The following ZNF202 variants were observed in gnomAD, a reference collection of about 807,000 sequenced individuals.
ZNF202 encodes zinc finger protein 202, also known as zinc finger protein with KRAB and SCAN domains 10.
In ZNF202, 22 loss-of-function variants were observed where a neutral mutation model predicts 54.5. That is an observed-to-expected ratio of 0.40 (90% CI 0.29 to 0.58). The LOEUF is 0.58. Among genes scored for constraint, ZNF202 ranks in the 20% least tolerant of loss-of-function variants. The probability of loss-of-function intolerance (pLI) is 0.39; values close to 1 mark genes in which losing one functional copy is unlikely to be tolerated. For missense variants in ZNF202, 644 were observed against 805.5 expected (o/e 0.80, Z 2.43); for synonymous variants, 294 against 301.4 (o/e 0.98, Z 0.26).
chr11:123,725,948 C>T lies in ZNF202; in HGVS notation c.*49G>A, dbSNP rs975663706. On this transcript the variant is annotated 3_prime_UTR_variant, in exon 9 of 9. Transcript: ENST00000530393. Reference sequence around the variant, plus strand: ...ACAAGAGGGCTTTTCCTCTTCCTCACCTCCCTTAGGTGAGGGCTGAAAGCA... The same window carrying T: ...ACAAGAGGGCTTTTCCTCTTCCTCATCTCCCTTAGGTGAGGGCTGAAAGCA... The T allele has an allele frequency of 3.9e-6, 6 of 1,549,308 alleles. No individual in the cohort carries two copies. Among genetic ancestry groups the T allele is most frequent in the Non-Finnish European group, 5.2e-6 (6 of 1,149,842 alleles).
chr11:123,726,730 C>G lies in ZNF202; in HGVS notation c.1214G>C (p.Ser405Thr), dbSNP rs372195692. The G allele has an allele frequency of 1.2e-6, 2 of 1,614,220 alleles. No individual in the cohort carries two copies. Among genetic ancestry groups the G allele is most frequent in the Non-Finnish European group, 1.7e-6 (2 of 1,180,042 alleles). The part of the protein sequence containing the change: ...RHHDCSVCGK[S>T]FTCNSHLVRH... Reference sequence around the variant, plus strand: ...AACAAGGTGGGAGTTACAAGTGAAGCTCTTTCCACACACAGAACAGTCATG... The same window carrying G: ...AACAAGGTGGGAGTTACAAGTGAAGGTCTTTCCACACACAGAACAGTCATG... The change falls in exon 9 of 9, where the codon AGC becomes ACC. Residue 405 changes from serine to threonine, a missense_variant. By Grantham distance (58) the Ser-to-Thr change is moderately conservative. Around this residue, in one of 3 missense-constraint regions of ZNF202, gnomAD observed 536 missense variants for 635.3 expected, o/e 0.84. Coordinates refer to ENST00000530393, the MANE Select transcript of ZNF202 (RefSeq NM_003455.4). This position sits in a 1 kb window ranked among gnomAD's most constrained non-coding sequence, Gnocchi z 6.0.
In ZNF202 at chr11:123,724,946, G is replaced by A. The variant is rs1296366412; in HGVS notation, c.*1051C>T. 1 of 152,152 alleles carries A rather than the reference G, an allele frequency of 6.6e-6. No individual in the cohort carries two copies. Among genetic ancestry groups the A allele is most frequent in the Non-Finnish European group, 1.5e-5 (1 of 68,058 alleles). 9.4% of individuals were successfully genotyped at this position (152,152 alleles called of 1,614,324 possible). ...TATTTTCCATAATTTGGTCTTAGTC[G>A]TTCTCCAGTTGTCTTCATGTAAATA... On this transcript the variant is annotated 3_prime_UTR_variant, in exon 9 of 9. Coordinates refer to ENST00000530393, the MANE Select transcript of ZNF202 (RefSeq NM_003455.4).
chr11:123,735,895 A>G (rs1285148609), intron 3 of ZNF202, among the ~76,000 whole-genome samples: 2 of 152,222 alleles, frequency 1.3e-5, no homozygotes, highest in East Asian at 3.8e-4. Context: ...CCTTTCTTCA[A>G]TGTCTGTCCT....
chr11:123,735,780 T>C (rs1565529240), intron 3 of ZNF202, among the ~76,000 whole-genome samples: 1 of 152,244 alleles, frequency 6.6e-6, no homozygotes, highest in Non-Finnish European at 1.5e-5. Context: ...TGTCAAGATT[T>C]AATATTAGAG....
At position 123,728,151 on chromosome 11, in the gene ZNF202, C is replaced by A; in HGVS notation, c.814G>T (p.Gly272Ter). The change falls in exon 7 of 9, where the codon GGA becomes TGA. Residue 272 changes from glycine to a stop codon, truncating the protein, a stop_gained. Transcript: ENST00000530393. LOFTEE classifies it high-confidence loss of function. ...YGEYVLEEDC[G>*]IVVSLSFPIP... ...TCCTTACACAGAGAGACAACAATTCCACAGTCTTCTTCCAAGACATATTCT... is the reference window on the plus strand; with the variant it reads ...TCCTTACACAGAGAGACAACAATTCAACAGTCTTCTTCCAAGACATATTCT... 6.2e-7 allele frequency: 1 copy of A among 1,611,100 alleles called. No homozygotes were observed. The highest frequency in any genetic ancestry group is 1.1e-5 in the South Asian group (1 of 90,916).
chr11:123,732,227 C>T (rs1297687129), intron 3 of ZNF202, among the ~76,000 whole-genome samples: 1 of 152,224 alleles, frequency 6.6e-6, no homozygotes, highest in Non-Finnish European at 1.5e-5. Context: ...CCTTCACGTA[C>T]CCACTATGAT....
rs12223520 is a variant in ZNF202 at position 123,725,813 on chromosome 11, G to A, written c.*184C>T. 1.7e-3 allele frequency: 1,170 copies of A among 670,144 alleles called. 7 individuals carry two copies. The highest frequency in any genetic ancestry group is 0.016 in the East Asian group (559 of 35,862). The allele number at this position is 670,144 out of a possible 1,614,324, so 41.5% of individuals were successfully genotyped here. ...TTTGGATGAAACATCCCCTCAAGGCGTAGAGGAAGGCTGAGAGGTTCTGCC... is the reference window on the plus strand; with the variant it reads ...TTTGGATGAAACATCCCCTCAAGGCATAGAGGAAGGCTGAGAGGTTCTGCC... On this transcript the variant is annotated 3_prime_UTR_variant, in exon 9 of 9. Coordinates refer to ENST00000530393, the MANE Select transcript of ZNF202 (RefSeq NM_003455.4).
At chr11:123,736,767 T>C (rs916969697) in intron 3 of ZNF202, among the ~76,000 whole-genome samples, 2 of 152,212 alleles carry the variant, frequency 1.3e-5, no homozygotes, top group Admixed American at 1.3e-4. Flanking sequence ...CTCAGTCTTA[T>C]CCTCAAAAAT....
At chr11:123,728,006 T>C in intron 7 of ZNF202, 127 bp downstream of exon 7, 1 of 1,091,464 alleles carries the variant, frequency 9.2e-7, no homozygotes, top group Non-Finnish European at 1.3e-6. Context: ...AATCCCTCAA[T>C]TTTATTGGTG....
Position 123,725,089 on chromosome 11 carries a change from C to T in ZNF202, c.*908G>A, listed in dbSNP as rs1210184333. On this transcript the variant is annotated 3_prime_UTR_variant, in exon 9 of 9. Transcript: ENST00000530393. ...AGGGGGGTGTGAAGGGGTTGGTGGG[C>T]TTGTGCATATGAGGGAATGTGAACG... is the stretch of plus-strand genomic sequence containing the variant. 6.6e-6 allele frequency: 1 copy of T among 152,132 alleles called. No individual in the cohort carries two copies. The highest frequency in any genetic ancestry group is 1.9e-4 in the East Asian group (1 of 5,194). 9.4% of individuals were successfully genotyped at this position (152,132 alleles called of 1,614,324 possible).
intron 3 of ZNF202, among the ~76,000 whole-genome samples, chr11:123,734,255 G>C (rs556471281): frequency 6.6e-6 from 1 of 152,176 alleles, no homozygotes; most frequent in Non-Finnish European, 1.5e-5. Context: ...AAGTAGGTGA[G>C]TGGTGAACTT....
rs751525208 is a variant in ZNF202 at position 123,726,438 on chromosome 11, T to A, written c.1506A>T (p.Thr502=). The A allele has an allele frequency of 2.5e-6, 4 of 1,614,230 alleles. No individual in the cohort carries two copies. Among genetic ancestry groups the A allele is most frequent in the Non-Finnish European group, 3.4e-6 (4 of 1,180,040 alleles). The change falls in exon 9 of 9, where the codon ACA becomes ACT. Residue 502 remains threonine (T), a synonymous_variant. Transcript: ENST00000530393. The surrounding 1 kb of genome is among the most constrained non-coding windows in gnomAD (Gnocchi z 6.0). The part of the protein sequence containing the change: ...WTSDLVRHQR[T]HTGEKPFFCT... ...AAAAGAAGGGTTTTTCTCCAGTATG[T>A]GTCCTCTGATGTCTGACAAGGTCTG...
rs772290587 is a variant in ZNF202, at chr11:123,724,691, C to G, written c.*1306G>C. ...AGCCTCATCTCCAAGGAACCTTTAA[C>G]TGGCAACAGAGATTGTTGGGCCATC... is the stretch of plus-strand genomic sequence containing the variant. On this transcript the variant is annotated 3_prime_UTR_variant, in exon 9 of 9. Transcript: ENST00000530393. 3.3e-5 allele frequency: 5 copies of G among 152,224 alleles called. No individual in the cohort carries two copies. Among genetic ancestry groups the G allele is most frequent in the Non-Finnish European group, 7.3e-5 (5 of 68,040 alleles). 9.4% of individuals were successfully genotyped at this position (152,224 alleles called of 1,614,324 possible).
rs1290295373 is a variant in ZNF202, at chr11:123,729,143, G to C, written c.685C>G (p.Leu229Val). 2 of 1,613,984 alleles carry C rather than the reference G, an allele frequency of 1.2e-6. No individual in the cohort carries two copies. Among genetic ancestry groups the C allele is most frequent in the South Asian group, 2.2e-5 (2 of 91,046 alleles). Reference sequence around the variant, plus strand: ...GGGCACACCTGTGACAGAGCAGTAAGAAGAGCAACCATCTCTGAGTCTCCA... The same window carrying C: ...GGGCACACCTGTGACAGAGCAGTAACAAGAGCAACCATCTCTGAGTCTCCA... ...SSGDSEMVAL[L>V]TALSQGLVTF... The change falls in exon 6 of 9, where the codon CTT becomes GTT. Residue 229 changes from leucine to valine, a missense_variant. Leu to Val is a conservative substitution (Grantham distance 32, BLOSUM62 1). Transcript: ENST00000530393.
At chr11:123,736,487 C>A (rs1444211307) in intron 3 of ZNF202, among the ~76,000 whole-genome samples, 1 of 152,234 alleles carries the variant, frequency 6.6e-6, no homozygotes, top group Non-Finnish European at 1.5e-5. Flanking sequence ...CAGGGCCTGT[C>A]AACAGCTCCT....
Position 123,725,824 on chromosome 11 carries a change from C to T in ZNF202, c.*173G>A. Reference sequence around the variant, plus strand: ...CATCCCCTCAAGGCGTAGAGGAAGGCTGAGAGGTTCTGCCCAGGCTCGTGT... The same window carrying T: ...CATCCCCTCAAGGCGTAGAGGAAGGTTGAGAGGTTCTGCCCAGGCTCGTGT... On this transcript the variant is annotated 3_prime_UTR_variant, in exon 9 of 9. Coordinates refer to ENST00000530393, the MANE Select transcript of ZNF202 (RefSeq NM_003455.4). 9.6e-6 allele frequency: 7 copies of T among 728,372 alleles called. No individual in the cohort carries two copies. Among genetic ancestry groups the T allele is most frequent in the Non-Finnish European group, 1.3e-5 (6 of 460,846 alleles). 45.1% of individuals were successfully genotyped at this position (728,372 alleles called of 1,614,324 possible).
chr11:123,737,762 G>GTGACCTGTGT lies in ZNF202; in HGVS notation c.-98+2345_-98+2354dup, dbSNP rs531021981. On this transcript the variant is annotated intron_variant, in intron 3 of 8. Transcript: ENST00000530393. The stretch of plus-strand genomic sequence containing the variant: ...AGTAGATAGTTGCCTTCGGCGGAGG[G>GTGACCTGTGT]TGACCTGTGTTCTGTCCACTGCTCT... Among the ~76,000 whole-genome samples the GTGACCTGTGT allele has an allele frequency of 1.4e-4, 22 of 152,354 alleles. No homozygotes were observed. The South Asian group carries it at 2.7e-3, about 19-fold the overall frequency.
At chr11:123,741,188 C>T (rs1591394881) in intron 1 of ZNF202, among the ~76,000 whole-genome samples, 1 of 152,110 alleles carries the variant, frequency 6.6e-6, no homozygotes, top group African/African-American at 2.4e-5. Flanking sequence ...ACCACTCCTC[C>T]CTCGGTTCCG....
In ZNF202 at chr11:123,725,856, G is replaced by C; in HGVS notation, c.*141C>G. The C allele has an allele frequency of 3.0e-6, 3 of 985,922 alleles. No individual in the cohort carries two copies. The highest frequency in any genetic ancestry group is 3.6e-5 in the South Asian group (2 of 56,012). The allele number at this position is 985,922 out of a possible 1,614,324, so 61.1% of individuals were successfully genotyped here. On this transcript the variant is annotated 3_prime_UTR_variant, in exon 9 of 9. Transcript: ENST00000530393. ...GTTCTGCCCAGGCTCGTGTTTAGTTGCAGGAAGAGGTAATGTCAGATCTGA... is the reference window on the plus strand; with the variant it reads ...GTTCTGCCCAGGCTCGTGTTTAGTTCCAGGAAGAGGTAATGTCAGATCTGA...
Sources: gnomAD v4.1 joint callset for allele counts (sites outside exome capture counted in the v4.1 genomes callset) on GRCh38, gnomAD v4.1.1 for gene constraint, gnomAD v4.1.1 regional missense constraint, Gnocchi (gnomAD v3.1) non-coding constraint, MANE v1.5 for transcripts, NCBI Gene and HGNC (gene_info 2026-07-23, HGNC 2026-07-21) for gene names.